Variants in GALNT13 observed in about 807,000 individuals in gnomAD.
GALNT13 encodes polypeptide N-acetylgalactosaminyltransferase 13, also known as UDP-GalNAc:polypeptide N-acetylgalactosaminyltransferase 13.
GALNT13 carries 28 observed loss-of-function variants against 64.2 expected under a neutral mutation model. The ratio of observed to expected loss-of-function variants is 0.44; its 90% CI spans 0.32 to 0.60. GALNT13 has a LOEUF of 0.60. Ranked by LOEUF, GALNT13 falls within the 20% of genes least tolerant of loss-of-function variation. The pLI is 0.05. For synonymous variants in GALNT13, 214 were observed against 224.6 expected (o/e 0.95, Z 0.42); for missense variants, 577 against 669.8 (o/e 0.86, Z 1.53).
At chr2:153,782,123 A>C in the GALNT13 span, among the ~76,000 whole-genome samples, 2 of 152,184 alleles carry the variant, frequency 1.3e-5, no homozygotes, top group Non-Finnish European at 2.9e-5. Context: ...ATGTGACTGA[A>C]TTTGGGGGCT....
chr2:154,230,697 C>T (rs1233156615), intron 4 of GALNT13, among the ~76,000 whole-genome samples: 1 of 151,982 alleles, frequency 6.6e-6, no homozygotes, highest in Non-Finnish European at 1.5e-5. Flanking sequence ...ATAACTTAGA[C>T]ATCAGCCTAG....
At chr2:154,141,637 C>T (rs994465810) in intron 4 of GALNT13, among the ~76,000 whole-genome samples, 1 of 152,062 alleles carries the variant, frequency 6.6e-6, no homozygotes, top group African/African-American at 2.4e-5. Flanking sequence ...TAATGCATGG[C>T]TGTATTTGCC....
At chr2:153,527,032 C>G in the GALNT13 span, among the ~76,000 whole-genome samples, 3 of 151,904 alleles carry the variant, frequency 2.0e-5, no homozygotes, top group Admixed American at 2.0e-4. Flanking sequence ...ATAAAGCATG[C>G]CTTCAGGATC....
chr2:153,485,928 A>C, the GALNT13 span, among the ~76,000 whole-genome samples: 1 of 151,602 alleles, frequency 6.6e-6, no homozygotes, highest in African/African-American at 2.4e-5. Context: ...AAAATAAATC[A>C]CCTTCCTTTT....
chr2:154,153,040 T>C (rs1684152513), intron 4 of GALNT13, among the ~76,000 whole-genome samples: 1 of 152,184 alleles, frequency 6.6e-6, no homozygotes, highest in African/African-American at 2.4e-5. Context: ...TTCTGCTCTG[T>C]TTTTTCCCCA....
the GALNT13 span, among the ~76,000 whole-genome samples, chr2:153,258,020 G>A: frequency 6.6e-6 from 1 of 152,012 alleles, no homozygotes; most frequent in Non-Finnish European, 1.5e-5. Flanking sequence ...AATTATCTTG[G>A]GACCTGAAGA....
At chr2:153,798,055 T>A in the GALNT13 span, among the ~76,000 whole-genome samples, 2 of 152,156 alleles carry the variant, frequency 1.3e-5, no homozygotes, top group Non-Finnish European at 2.9e-5. Context: ...ATCTGCATTT[T>A]AAAAATATCC....
the GALNT13 span, among the ~76,000 whole-genome samples, chr2:153,664,234 C>A: frequency 6.6e-6 from 1 of 152,140 alleles, no homozygotes; most frequent in African/African-American, 2.4e-5. Context: ...ACAGACACTC[C>A]CAGAGTGGCC....
At chr2:153,678,585 A>G in the GALNT13 span, among the ~76,000 whole-genome samples, 1 of 151,930 alleles carries the variant, frequency 6.6e-6, no homozygotes, top group African/African-American at 2.4e-5. Flanking sequence ...TATGCTCGTT[A>G]CCTGGGTGAC....
chr2:153,398,507 C>T, the GALNT13 span, among the ~76,000 whole-genome samples: 3 of 151,892 alleles, frequency 2.0e-5, no homozygotes, highest in Non-Finnish European at 4.4e-5. Flanking sequence ...CACTGACTTC[C>T]ACAATGGTTG....
At chr2:154,425,913 A>G (rs1272354953) in intron 11 of GALNT13, among the ~76,000 whole-genome samples, 1 of 152,174 alleles carries the variant, frequency 6.6e-6, no homozygotes, top group Non-Finnish European at 1.5e-5. Flanking sequence ...GAACAATTCT[A>G]GTTTTTGCAT....
At position 154,023,762 on chromosome 2, in the gene GALNT13, G is replaced by A. The variant is rs370805792; in HGVS notation, c.142+79123G>A. Among the ~76,000 whole-genome samples, 212 of 152,188 alleles carry A rather than the reference G, an allele frequency of 1.4e-3. 2 individuals carry two copies. The East Asian group carries it at 0.029, about 21-fold the overall frequency. On this transcript the variant is annotated intron_variant, in intron 3 of 12. Transcript: ENST00000392825. ...ATGATGTTAGCTGGTTATTTTGCTC[G>A]TTAGTTGATGCAGTTTCTTCCTAGC... is the stretch of plus-strand genomic sequence containing the variant.
At chr2:153,505,823 T>C in the GALNT13 span, among the ~76,000 whole-genome samples, 1 of 152,178 alleles carries the variant, frequency 6.6e-6, no homozygotes, top group Non-Finnish European at 1.5e-5. Flanking sequence ...GCATAGAATG[T>C]ATATTCTGCA....
intron 3 of GALNT13, among the ~76,000 whole-genome samples, chr2:153,945,550 A>T (rs867233959): frequency 6.6e-6 from 1 of 152,144 alleles, no homozygotes. Context: ...GGAAAAGTGA[A>T]TCTAAATTAT....
intron 3 of GALNT13, among the ~76,000 whole-genome samples, chr2:153,969,337 T>A (rs1009751767): frequency 1.3e-5 from 2 of 152,006 alleles, no homozygotes; most frequent in African/African-American, 2.4e-5. Context: ...AACTTAAAAA[T>A]TTTTTTAAAT....
upstream of GALNT13, among the ~76,000 whole-genome samples, chr2:153,867,821 C>T (rs918831569): frequency 5.3e-5 from 8 of 151,930 alleles, no homozygotes; most frequent in Non-Finnish European, 1.0e-4. Flanking sequence ...GGTTCACACT[C>T]CTAAGAGAAT....
the GALNT13 span, among the ~76,000 whole-genome samples, chr2:153,218,985 T>C: frequency 1.3e-5 from 2 of 152,236 alleles, no homozygotes; most frequent in African/African-American, 2.4e-5. Flanking sequence ...GTTTCACAAC[T>C]AACTACATTA....
chr2:153,538,323 A>ATTTTTTTTTTTTTTTTTTTTTT, the GALNT13 span, among the ~76,000 whole-genome samples: 1 of 56,306 alleles, frequency 1.8e-5, no homozygotes, highest in Non-Finnish European at 3.1e-5. Flanking sequence ...TTTTTTTTTA[A>ATTTTTTTTTTTTTTTTTTTTTT]TTCTTTTTTT....
chr2:154,261,421 T>C (rs1690689844), intron 8 of GALNT13, among the ~76,000 whole-genome samples: 1 of 152,178 alleles, frequency 6.6e-6, no homozygotes, highest in South Asian at 2.1e-4. Flanking sequence ...CTCTGTGACA[T>C]GAATATGTTT....
Sources: gnomAD v4.1 joint callset for allele counts (sites outside exome capture counted in the v4.1 genomes callset) on GRCh38, gnomAD v4.1.1 for gene constraint, MANE v1.5 for transcripts, NCBI Gene and HGNC (gene_info 2026-07-23, HGNC 2026-07-21) for gene names.